The following RAG1 variants were observed in gnomAD, a reference collection of about 807,000 sequenced individuals.
The protein encoded by RAG1 is V(D)J recombination-activating protein 1.
In RAG1, 35 loss-of-function variants were observed where a neutral mutation model predicts 62.7. The ratio of observed to expected loss-of-function variants is 0.56; its 90% CI spans 0.43 to 0.74. The LOEUF (loss-of-function observed/expected upper bound fraction) is 0.74, where lower values mean the gene tolerates loss of function less well. Among genes scored for constraint, RAG1 ranks in the 30% least tolerant of loss-of-function variants. The pLI, the probability that RAG1 is intolerant of heterozygous loss-of-function variation, is 0.00. For missense variants in RAG1, 1,169 were observed against 1,278.6 expected, an observed-to-expected ratio of 0.91 and a Z score of 1.31; for synonymous variants, 461 against 470.3, an observed-to-expected ratio of 0.98 and a Z score of 0.26.
chr11:36,551,681 T>C (rs1174382366), intron 3 of RAG1, among the ~76,000 whole-genome samples: 1 of 145,670 alleles, frequency 6.9e-6, no homozygotes, highest in Non-Finnish European at 1.5e-5. Context: ...TATGTATACA[T>C]GTGCCATGCT....
chr11:36,512,794 T>C (rs5030489), intron 1 of RAG1, among the ~76,000 whole-genome samples: 7,725 of 152,364 alleles, frequency 0.051, 279 homozygotes, highest in Non-Finnish European at 0.073. Flanking sequence ...GCCTTTACTT[T>C]TAATGGAAAA....
upstream of RAG1, chr11:36,510,402 C>T (rs561615373): frequency 6.5e-6 from 1 of 152,736 alleles, no homozygotes; most frequent in African/African-American, 2.4e-5. Flanking sequence ...CCCAGCCCCG[C>T]AGCCTGGCTT....
rs144069419 is a variant in RAG1 at position 36,576,709 on chromosome 11, G to C, written c.*273G>C. The C allele has an allele frequency of 9.3e-4, 438 of 472,894 alleles. 7 individuals carry two copies. The South Asian group carries it at 9.4e-3, about 10-fold the overall frequency. 29.3% of individuals were successfully genotyped at this position (472,894 alleles called of 1,614,324 possible). The stretch of plus-strand genomic sequence containing the variant: ...ACAGGAGTAACTGCAGGGGACCAGA[G>C]ATGAGCAAAGATCTGTGTGTGTTGG... On this transcript the variant is annotated 3_prime_UTR_variant, in exon 2 of 2. Coordinates refer to ENST00000299440, the MANE Select transcript of RAG1 (RefSeq NM_000448.3).
downstream of RAG1, among the ~76,000 whole-genome samples, chr11:36,539,952 T>C (rs1380751072): frequency 6.6e-6 from 1 of 152,254 alleles, no homozygotes; most frequent in African/African-American, 2.4e-5. Flanking sequence ...TGTTCTATTT[T>C]GTTCCATCCA....
intron 2 of RAG1, among the ~76,000 whole-genome samples, chr11:36,535,727 AG>A (rs1747385063): frequency 6.6e-6 from 1 of 152,200 alleles, no homozygotes; most frequent in African/African-American, 2.4e-5. Context: ...CCTGGGCAAC[AG>A]AGCAAGACTC....
chr11:36,545,642 C>A (rs1199914488), intron 3 of RAG1, among the ~76,000 whole-genome samples: 1 of 152,156 alleles, frequency 6.6e-6, no homozygotes, highest in Non-Finnish European at 1.5e-5. Flanking sequence ...GCTGTCCATA[C>A]AAGTTGGATC....
At chr11:36,548,545 C>G (rs1186314876) in intron 3 of RAG1, among the ~76,000 whole-genome samples, 1 of 152,172 alleles carries the variant, frequency 6.6e-6, no homozygotes, top group South Asian at 2.1e-4. Flanking sequence ...AAATAAAATA[C>G]CTAGGAATCC....
In RAG1 at chr11:36,574,501, T is replaced by C. The variant is rs1202232639; in HGVS notation, c.1197T>C (p.Leu399=). The C allele has an allele frequency of 3.1e-6, 5 of 1,614,088 alleles. No individual in the cohort carries two copies. The highest frequency in any genetic ancestry group is 4.2e-6 in the Non-Finnish European group (5 of 1,180,054). The change falls in exon 2 of 2, where the codon CTT becomes CTC. Residue 399 remains leucine, a synonymous_variant. Coordinates refer to ENST00000299440, the MANE Select transcript of RAG1 (RefSeq NM_000448.3). The part of the protein sequence containing the change: ...INKGGRPRQH[L]LSLTRRAQKH... Reference sequence around the variant, plus strand: ...AAGGGGGCCGGCCCCGCCAACATCTTCTGTCGCTGACTCGGAGAGCTCAGA... The same window carrying C: ...AAGGGGGCCGGCCCCGCCAACATCTCCTGTCGCTGACTCGGAGAGCTCAGA...
Position 36,574,727 on chromosome 11 carries a change from G to A in RAG1, c.1423G>A (p.Val475Ile). The A allele has an allele frequency of 6.2e-7, 1 of 1,614,210 alleles. No individual in the cohort carries two copies. The highest frequency in any genetic ancestry group is 8.5e-7 in the Non-Finnish European group (1 of 1,180,036). The change falls in exon 2 of 2, where the codon GTC becomes ATC. Residue 475 changes from valine to isoleucine, a missense_variant. Coordinates refer to ENST00000299440, the MANE Select transcript of RAG1 (RefSeq NM_000448.3). The stretch of plus-strand genomic sequence containing the variant: ...GCCAGCTGTTTGCTTGGCCATCCGT[G>A]TCAACACCTTCCTCAGCTGCAGTCA... ...LQPAVCLAIRVNTFLSCSQYH... is the reference protein window; with the variant it reads ...LQPAVCLAIRINTFLSCSQYH...
intron 2 of RAG1, among the ~76,000 whole-genome samples, chr11:36,521,793 G>A (rs997523432): frequency 1.3e-5 from 2 of 152,212 alleles, no homozygotes; most frequent in African/African-American, 4.8e-5. Context: ...AATCCAGGCT[G>A]AGGTGGTATC....
intron 2 of RAG1, among the ~76,000 whole-genome samples, chr11:36,520,637 A>T (rs1860065693): frequency 6.6e-6 from 1 of 152,252 alleles, no homozygotes; most frequent in Non-Finnish European, 1.5e-5. Context: ...GTATCTATCC[A>T]GTAAAACATA....
intron 2 of RAG1, among the ~76,000 whole-genome samples, chr11:36,522,642 G>A (rs1860099815): frequency 6.6e-6 from 1 of 152,178 alleles, no homozygotes; most frequent in South Asian, 2.1e-4. Flanking sequence ...CCATCCTCCA[G>A]ACCCCAGAAT....
chr11:36,566,782 G>GT (rs1850668312), upstream of RAG1, among the ~76,000 whole-genome samples: 1 of 152,232 alleles, frequency 6.6e-6, no homozygotes, highest in Non-Finnish European at 1.5e-5. Flanking sequence ...TGTTACTGCA[G>GT]TGGCTTCTGC....
intron 2 of RAG1, among the ~76,000 whole-genome samples, chr11:36,527,375 T>C (rs1003826580): frequency 1.3e-5 from 2 of 152,184 alleles, no homozygotes; most frequent in Non-Finnish European, 2.9e-5. Flanking sequence ...GTCAGGTTTG[T>C]CAAAGATCAG....
chr11:36,548,302 G>A (rs1212939700), intron 3 of RAG1, among the ~76,000 whole-genome samples: 1 of 152,148 alleles, frequency 6.6e-6, no homozygotes, highest in Admixed American at 6.5e-5. Flanking sequence ...AAGAAATAAA[G>A]CGTATTCAGA....
In RAG1 at chr11:36,512,151, C is replaced by T. The variant is rs188664201; in HGVS notation, n.330+1113C>T. On this transcript the variant is annotated intron_variant and non_coding_transcript_variant, in intron 1 of 2. Transcript: ENST00000529126. ...ACAGGAAACTTACAAATACCATTTC[C>T]CTTTGCAATCAGGCAGGGCCACGTG... 8.0e-4 allele frequency among the ~76,000 whole-genome samples: 122 copies of T among 152,320 alleles called. 1 individual carries two copies. Among genetic ancestry groups the T allele is most frequent in the Middle Eastern group, 3.4e-3 (1 of 294 alleles).
intron 2 of RAG1, among the ~76,000 whole-genome samples, chr11:36,526,053 T>C (rs1860157276): frequency 6.6e-6 from 1 of 152,210 alleles, no homozygotes; most frequent in Non-Finnish European, 1.5e-5. Flanking sequence ...TGTTGCAAAA[T>C]TCTTCTCATA....
At chr11:36,540,194 TG>T (rs1860394194), downstream of RAG1, among the ~76,000 whole-genome samples, 1 of 152,140 alleles carries the variant, frequency 6.6e-6, no homozygotes, top group Non-Finnish European at 1.5e-5. Flanking sequence ...GCTCCAAGAA[TG>T]TAATTCTCTG....
upstream of RAG1, chr11:36,566,385 C>T (rs550948237): frequency 6.6e-6 from 1 of 152,142 alleles, no homozygotes; most frequent in African/African-American, 2.4e-5. Flanking sequence ...GAAGCCTGAT[C>T]CTTGAACTTG....
Sources: gnomAD v4.1 joint callset for allele counts (sites outside exome capture counted in the v4.1 genomes callset) on GRCh38, gnomAD v4.1.1 for gene constraint, MANE v1.5 for transcripts, NCBI Gene and HGNC (gene_info 2026-07-23, HGNC 2026-07-21) for gene names.